NCKAP5: variants seen among roughly 807,000 people sequenced by gnomAD.
NCKAP5 encodes NCK associated protein 5, also known as nck-associated protein 5.
NCKAP5 carries 92 observed loss-of-function variants against 167.0 expected under a neutral mutation model. The observed-to-expected ratio is 0.55, with a 90% CI of 0.47 to 0.66. The LOEUF (loss-of-function observed/expected upper bound fraction) is 0.66. Among genes scored for constraint, NCKAP5 ranks in the 30% least tolerant of loss-of-function variants. The pLI, the probability that NCKAP5 is intolerant of heterozygous loss-of-function variation, is 0.00. For synonymous variants in NCKAP5, 891 were observed against 877.4 expected (o/e 1.02, Z -0.27); for missense variants, 2,378 against 2,315.0 (o/e 1.03, Z -0.56).
chr2:132,773,029 A>T (rs2104953356), intron 16 of NCKAP5, among the ~76,000 whole-genome samples: 1 of 152,286 alleles, frequency 6.6e-6, no homozygotes, highest in African/African-American at 2.4e-5. Context: ...CTACACCCAA[A>T]TGTGACTTGC....
rs1245179944 is a variant in NCKAP5, at chr2:132,784,471, T to C, written c.2340A>G (p.Ile780Met). Residue 780 changes from isoleucine to methionine, a missense_variant, in exon 14 of 20, where the codon ATA becomes ATG. Ile to Met is a conservative substitution (Grantham distance 10, BLOSUM62 1). Around this residue, in one of 3 missense-constraint regions of NCKAP5, gnomAD observed 1,049 missense variants for 1,023.4 expected, o/e 1.02. Coordinates refer to ENST00000409261, the MANE Select transcript of NCKAP5 (RefSeq NM_207363.3). ...AAGACCTGGAATTACTCTGGCATGA[T>C]ATATTGTGTGTTGGTTTGACCAGCT... ...QQKLVKPTHN[I>M]SCQSNSRSSA... 6.3e-7 allele frequency: 1 copy of C among 1,595,246 alleles called. No individual in the cohort carries two copies. Among genetic ancestry groups the C allele is most frequent in the Non-Finnish European group, 8.5e-7 (1 of 1,172,074 alleles).
At chr2:133,434,623 T>C (rs1283758406) in intron 3 of NCKAP5, among the ~76,000 whole-genome samples, 1 of 152,234 alleles carries the variant, frequency 6.6e-6, no homozygotes, top group East Asian at 1.9e-4. Flanking sequence ...CACTTTACAA[T>C]AGTGCCAGGC....
chr2:133,012,367 C>T (rs1305741296), intron 6 of NCKAP5, among the ~76,000 whole-genome samples: 2 of 152,162 alleles, frequency 1.3e-5, no homozygotes, highest in Admixed American at 6.5e-5. Context: ...CCTGCCTCAG[C>T]CTCCCTAGCA....
intron 6 of NCKAP5, among the ~76,000 whole-genome samples, chr2:133,102,113 C>T (rs1325895641): frequency 6.6e-6 from 1 of 151,782 alleles, no homozygotes; most frequent in African/African-American, 2.4e-5. Flanking sequence ...AATTGTAATA[C>T]ACTGATTTTT....
intron 6 of NCKAP5, among the ~76,000 whole-genome samples, chr2:132,996,650 C>A (rs144148815): frequency 0.015 from 2,354 of 152,282 alleles, 52 homozygotes; most frequent in Non-Finnish European, 0.018. Flanking sequence ...GTCTTATCTT[C>A]TGGAATAAAT....
chr2:133,176,396 G>T (rs1322743895), intron 5 of NCKAP5, among the ~76,000 whole-genome samples: 1 of 152,126 alleles, frequency 6.6e-6, no homozygotes, highest in Non-Finnish European at 1.5e-5. Flanking sequence ...GAAAGTAACA[G>T]ATGGAACCAC....
intron 8 of NCKAP5, among the ~76,000 whole-genome samples, chr2:132,889,332 A>G (rs138128609): frequency 5.3e-5 from 8 of 152,340 alleles, no homozygotes; most frequent in African/African-American, 1.7e-4. Context: ...GCAATAAATA[A>G]GTGGAACAGT....
At chr2:133,618,385 A>C in the NCKAP5 span, among the ~76,000 whole-genome samples, 864 of 151,944 alleles carry the variant, frequency 5.7e-3, 5 homozygotes, top group Non-Finnish European at 7.2e-3. Flanking sequence ...AAATGGGAGA[A>C]AATTTTCACA....
intron 3 of NCKAP5, among the ~76,000 whole-genome samples, chr2:133,426,999 C>G (rs773956498): frequency 6.6e-6 from 1 of 152,182 alleles, no homozygotes; most frequent in Non-Finnish European, 1.5e-5. Context: ...AGGCGGTCAG[C>G]AAATTTTCCC....
At chr2:132,794,892 A>C (rs1487012024) in intron 12 of NCKAP5, among the ~76,000 whole-genome samples, 1 of 152,102 alleles carries the variant, frequency 6.6e-6, no homozygotes, top group Non-Finnish European at 1.5e-5. Flanking sequence ...ATATTAGTAG[A>C]GCCCTTTCTC....
chr2:133,320,092 A>G (rs1559380912), intron 3 of NCKAP5, among the ~76,000 whole-genome samples: 1 of 152,138 alleles, frequency 6.6e-6, no homozygotes, highest in Non-Finnish European at 1.5e-5. Context: ...CAAAAATCAC[A>G]AGGAGTAGAA....
chr2:133,286,282 C>T (rs1679133924), intron 4 of NCKAP5, among the ~76,000 whole-genome samples: 1 of 152,214 alleles, frequency 6.6e-6, no homozygotes, highest in South Asian at 2.1e-4. Context: ...AGGCGTGAGA[C>T]ACCACGCCCG....
chr2:133,528,070 A>AAAAC (rs573482595), intron 2 of NCKAP5, among the ~76,000 whole-genome samples: 1 of 152,128 alleles, frequency 6.6e-6, no homozygotes. Context: ...CTCAAAAAAC[A>AAAAC]AAACAAACAA....
At chr2:133,466,043 G>C (rs1371391184) in intron 3 of NCKAP5, among the ~76,000 whole-genome samples, 1 of 151,326 alleles carries the variant, frequency 6.6e-6, no homozygotes, top group Non-Finnish European at 1.5e-5. Flanking sequence ...TTTGTCTTTT[G>C]TTGCCATTGC....
chr2:132,718,677 G>A lies in NCKAP5; in HGVS notation c.5713+6950C>T, dbSNP rs139556433. On this transcript the variant is annotated intron_variant, in intron 19 of 19. Coordinates refer to ENST00000409261, the MANE Select transcript of NCKAP5 (RefSeq NM_207363.3). The stretch of plus-strand genomic sequence containing the variant: ...CTTATTGTATTTCTCCCTGCAGGTA[G>A]CCATGCTGGGTCTTTCTTTCTCTGG... 3.3e-5 allele frequency among the ~76,000 whole-genome samples: 5 copies of A among 152,304 alleles called. No individual in the cohort carries two copies. In the East Asian group the frequency reaches 9.7e-4, roughly 29 times the overall value.
At chr2:133,132,956 G>A (rs1022897289) in intron 5 of NCKAP5, among the ~76,000 whole-genome samples, 120 of 152,076 alleles carry the variant, frequency 7.9e-4, no homozygotes, top group Non-Finnish European at 1.5e-3. Context: ...GATTATAGGC[G>A]TTAGCCACCA....
At chr2:133,034,252 T>G (rs561823974) in intron 6 of NCKAP5, among the ~76,000 whole-genome samples, 10 of 151,454 alleles carry the variant, frequency 6.6e-5, no homozygotes, top group African/African-American at 2.0e-4. Flanking sequence ...TACCCTAGAA[T>G]AGTATATCCA....
intron 11 of NCKAP5, among the ~76,000 whole-genome samples, chr2:132,834,579 T>C (rs1687751395): frequency 6.6e-6 from 1 of 152,178 alleles, no homozygotes; most frequent in South Asian, 2.1e-4. Context: ...TCTCCTGACC[T>C]TGTGATCTAC....
chr2:133,611,970 G>C, the NCKAP5 span, among the ~76,000 whole-genome samples: 2 of 152,146 alleles, frequency 1.3e-5, no homozygotes, highest in Non-Finnish European at 2.9e-5. Flanking sequence ...AAATTTCTTA[G>C]ACATCAGAAG....
Sources: gnomAD v4.1 joint callset for allele counts (sites outside exome capture counted in the v4.1 genomes callset) on GRCh38, gnomAD v4.1.1 for gene constraint, gnomAD v4.1.1 regional missense constraint, MANE v1.5 for transcripts, NCBI Gene and HGNC (gene_info 2026-07-23, HGNC 2026-07-21) for gene names.